The following VGLL4 variants were observed in gnomAD, a reference collection of about 807,000 sequenced individuals.
VGLL4 encodes the protein transcription cofactor vestigial-like protein 4.
A neutral mutation model predicts 21.0 loss-of-function variants in VGLL4; 7 were observed. The observed-to-expected ratio is 0.33, with a 90% CI of 0.19 to 0.63. The LOEUF (loss-of-function observed/expected upper bound fraction) is 0.63. Among genes scored for constraint, VGLL4 ranks in the 20% least tolerant of loss-of-function variants. The pLI is 0.78. For synonymous variants in VGLL4, 222 were observed against 173.2 expected (o/e 1.28, Z -2.21); for missense variants, 394 against 425.7 (o/e 0.93, Z 0.66).
chr3:11,665,095 A>ATTT (rs1559932541), intron 2 of VGLL4, among the ~76,000 whole-genome samples: 3 of 78,426 alleles, frequency 3.8e-5, no homozygotes, highest in African/African-American at 9.9e-5. Context: ...CAATTTGAAT[A>ATTT]TTTTTCTTTT....
rs1326231810 is a variant in VGLL4 at position 11,565,691 on chromosome 3, C to T, written c.273-672G>A. On this transcript the variant is annotated intron_variant, in intron 2 of 4. Coordinates refer to ENST00000430365, the MANE Select transcript of VGLL4 (RefSeq NM_001128219.3). The surrounding 1 kb of genome is among the most constrained non-coding windows in gnomAD (Gnocchi z 4.1). ...CACACGAGCAGGAGTGACCTGCGTC[C>T]AGAAGGTCCATCACTAGCCCTGGCC... 6.6e-6 allele frequency among the ~76,000 whole-genome samples: 1 copy of T among 152,216 alleles called. No individual in the cohort carries two copies. The highest frequency in any genetic ancestry group is 2.4e-5 in the African/African-American group (1 of 41,474).
At chr3:11,650,158 C>T (rs1006749733) in intron 2 of VGLL4, among the ~76,000 whole-genome samples, 1 of 152,112 alleles carries the variant, frequency 6.6e-6, no homozygotes, top group Non-Finnish European at 1.5e-5. Context: ...TGGTCTTGAA[C>T]TCCTGGCCTT....
At chr3:11,575,610 G>A (rs901679664) in intron 2 of VGLL4, among the ~76,000 whole-genome samples, 1 of 152,332 alleles carries the variant, frequency 6.6e-6, no homozygotes, top group Admixed American at 6.5e-5. Flanking sequence ...CCCAGCGGCA[G>A]CCGCTTAAAG....
intron 2 of VGLL4, among the ~76,000 whole-genome samples, chr3:11,698,412 G>C (rs2125400628): frequency 6.6e-6 from 1 of 152,300 alleles, no homozygotes; most frequent in East Asian, 1.9e-4. Flanking sequence ...AGGAGGCTAA[G>C]GCACAAGAAT....
chr3:11,573,261 A>AAGAAAG (rs1303178734), intron 2 of VGLL4, among the ~76,000 whole-genome samples: 2 of 9,634 alleles, frequency 2.1e-4, no homozygotes, highest in African/African-American at 1.9e-3. Flanking sequence ...GAAAGAAAGA[A>AAGAAAG]AGAAAGAAAG....
chr3:11,695,263 T>A (rs903786745), intron 2 of VGLL4, among the ~76,000 whole-genome samples: 26 of 152,170 alleles, frequency 1.7e-4, no homozygotes, highest in Admixed American at 5.2e-4. Context: ...TTGGCCAGGC[T>A]GGTCTCAAAC....
chr3:11,716,269 T>A (rs1399634861), intron 1 of VGLL4, among the ~76,000 whole-genome samples: 1 of 137,416 alleles, frequency 7.3e-6, no homozygotes, highest in African/African-American at 2.8e-5. Context: ...GCCACTGCAC[T>A]CCAGCCTGGG....
rs961661797 is a variant in VGLL4, at chr3:11,568,246, T to G, written c.273-3227A>C. The stretch of plus-strand genomic sequence containing the variant: ...AAGGCACTGCCCACCCCTCGCACCT[T>G]ATGTCCTAGGGGCACGGCACAGTCA... On this transcript the variant is annotated intron_variant, in intron 2 of 4. Transcript: ENST00000430365. The surrounding 1 kb of genome is among the most constrained non-coding windows in gnomAD (Gnocchi z 5.9). Among the ~76,000 whole-genome samples, 1 of 152,180 alleles carries G rather than the reference T, an allele frequency of 6.6e-6. No individual in the cohort carries two copies. Among genetic ancestry groups the G allele is most frequent in the Non-Finnish European group, 1.5e-5 (1 of 68,030 alleles).
intron 2 of VGLL4, among the ~76,000 whole-genome samples, chr3:11,650,872 T>C (rs1016508548): frequency 3.9e-5 from 6 of 152,198 alleles, no homozygotes; most frequent in Admixed American, 3.3e-4. Context: ...AAAACTGTCA[T>C]GTTTCAGAGG....
At chr3:11,621,989 T>C (rs1238117683) in intron 1 of VGLL4, among the ~76,000 whole-genome samples, 1 of 152,156 alleles carries the variant, frequency 6.6e-6, no homozygotes, top group Non-Finnish European at 1.5e-5. Context: ...TTAAATAAGA[T>C]TATCTGCCTT....
chr3:11,702,818 G>C (rs1484334327), intron 2 of VGLL4: 1 of 446,318 alleles, frequency 2.2e-6, no homozygotes, highest in Non-Finnish European at 3.8e-6. Flanking sequence ...AAATACAAAT[G>C]AGGATGTGAA....
rs1487952682 is a variant in VGLL4 at position 11,573,299 on chromosome 3, GA to G, written c.273-8281del. ...AGAAAGAAAGAAAGAAAGAAAGAAA[GA>G]AAGAAAGGAAGGAAGGAAGAAAGAA... On this transcript the variant is annotated intron_variant, in intron 2 of 4. Transcript: ENST00000430365. Among the ~76,000 whole-genome samples the G allele has an allele frequency of 4.4e-3, 74 of 16,974 alleles. 6 individuals carry two copies. Among genetic ancestry groups the G allele is most frequent in the East Asian group, 9.1e-3 (6 of 662 alleles). The allele number at this position is 16,974 out of a possible 152,430, so 11.1% of individuals were successfully genotyped here.
At chr3:11,714,925 G>T (rs2076898142) in intron 1 of VGLL4, among the ~76,000 whole-genome samples, 1 of 152,076 alleles carries the variant, frequency 6.6e-6, no homozygotes, top group Non-Finnish European at 1.5e-5. Flanking sequence ...CACGAGGTCA[G>T]GAGATCGAGA....
chr3:11,596,374 T>C (rs1308863867), intron 2 of VGLL4, among the ~76,000 whole-genome samples: 1 of 152,218 alleles, frequency 6.6e-6, no homozygotes, highest in East Asian at 1.9e-4. Context: ...GGAAAAACCA[T>C]AAACAAATCC....
chr3:11,563,808 C>T (rs1284646609), intron 3 of VGLL4, among the ~76,000 whole-genome samples: 2 of 152,198 alleles, frequency 1.3e-5, no homozygotes, highest in African/African-American at 4.8e-5. Context: ...CCATGTCAGG[C>T]TCTGAGGCAA....
intron 2 of VGLL4, among the ~76,000 whole-genome samples, chr3:11,570,863 A>G (rs2073746920): frequency 6.6e-6 from 1 of 152,202 alleles, no homozygotes; most frequent in Non-Finnish European, 1.5e-5. Flanking sequence ...GAGTGAACTC[A>G]TCACCGTGGC....
chr3:11,606,002 A>G lies in VGLL4; in HGVS notation c.83-3980T>C, dbSNP rs181407439. 2.1e-3 allele frequency among the ~76,000 whole-genome samples: 321 copies of G among 152,376 alleles called. 2 individuals are homozygous for G. Among genetic ancestry groups the G allele is most frequent in the African/African-American group, 7.3e-3 (305 of 41,594 alleles). On this transcript the variant is annotated intron_variant, in intron 1 of 4. Coordinates refer to ENST00000430365, the MANE Select transcript of VGLL4 (RefSeq NM_001128219.3). ...ATTAGTCTGTTCTCACGTTGCTGAT[A>G]AAGACATACCCGAGACTGGGTAATT...
At chr3:11,654,238 C>T (rs1027159158) in intron 2 of VGLL4, among the ~76,000 whole-genome samples, 1 of 152,202 alleles carries the variant, frequency 6.6e-6, no homozygotes, top group Non-Finnish European at 1.5e-5. Flanking sequence ...GTCCTATTGT[C>T]TTAAAATGTT....
intron 2 of VGLL4, among the ~76,000 whole-genome samples, chr3:11,661,527 G>A (rs139071332): frequency 7.2e-5 from 11 of 151,750 alleles, no homozygotes; most frequent in African/African-American, 2.7e-4. Context: ...CTGGAGTGCA[G>A]TGGCATGATC....
Sources: allele counts gnomAD v4.1 joint callset (sites outside exome capture counted in the v4.1 genomes callset), GRCh38; gene constraint gnomAD v4.1.1; non-coding constraint Gnocchi (gnomAD v3.1); transcripts MANE v1.5; gene names NCBI Gene and HGNC (gene_info 2026-07-23, HGNC 2026-07-21).